The following PTK7 variants were observed in gnomAD, a reference collection of about 807,000 sequenced individuals.
PTK7 encodes the protein protein tyrosine kinase 7 (inactive).
Under a neutral mutation model 116.6 loss-of-function variants are expected in PTK7, and 39 were observed. That is an observed-to-expected ratio of 0.33 (90% confidence interval 0.26 to 0.44). The LOEUF (loss-of-function observed/expected upper bound fraction) is 0.44, where lower values mean the gene tolerates loss of function less well. Among genes scored for constraint, PTK7 ranks in the 20% least tolerant of loss-of-function variants. PTK7 has a pLI of 1.00. For synonymous variants in PTK7, 546 were observed against 563.6 expected, an observed-to-expected ratio of 0.97 and a Z score of 0.44; for missense variants, 1,169 against 1,425.6, an observed-to-expected ratio of 0.82 and a Z score of 2.90.
In PTK7 at chr6:43,132,563, G is replaced by A. The variant is rs376112569; in HGVS notation, c.1104G>A (p.Arg368=). 9.9e-5 allele frequency: 160 copies of A among 1,613,424 alleles called. No individual in the cohort carries two copies. In the Middle Eastern group the frequency reaches 1.2e-3, roughly 12 times the overall value. ...GAGTCCGGCTGCCCACCCATGGCAG[G>A]GTCTACCAGAAGGGCCACGAGCTGG... is the stretch of plus-strand genomic sequence containing the variant. ...HAGVRLPTHG[R]VYQKGHELVL... The change falls in exon 7 of 20, where the codon AGG becomes AGA. Residue 368 remains arginine (R), a synonymous_variant. Coordinates refer to ENST00000230419, the MANE Select transcript of PTK7 (RefSeq NM_002821.5).
intron 1 of PTK7, among the ~76,000 whole-genome samples, chr6:43,122,148 G>GA (rs547395189): frequency 9.3e-4 from 141 of 151,984 alleles, no homozygotes; most frequent in Admixed American, 3.3e-3. Flanking sequence ...ATTTCAAAAA[G>GA]AAAAAAAATG....
chr6:43,129,436 A>G lies in PTK7; in HGVS notation c.367+172A>G. The G allele has an allele frequency of 9.8e-7, 1 of 1,018,126 alleles. No individual in the cohort carries two copies. Among genetic ancestry groups the G allele is most frequent in the South Asian group, 1.7e-5 (1 of 57,374 alleles). The allele number at this position is 1,018,126 out of a possible 1,614,324, so 63.1% of individuals were successfully genotyped here. Reference sequence around the variant, plus strand: ...TGGATAAGAGGAAATTAAAAGTTATATTTTTTCCAAAATTTTTTCCTTCAA... The same window carrying G: ...TGGATAAGAGGAAATTAAAAGTTATGTTTTTTCCAAAATTTTTTCCTTCAA... On this transcript the variant is annotated intron_variant, in intron 2 of 19. Coordinates refer to ENST00000230419, the MANE Select transcript of PTK7 (RefSeq NM_002821.5). This position sits in a 1 kb window ranked among gnomAD's most constrained non-coding sequence, Gnocchi z 4.5.
chr6:43,158,630 T>C (rs1771656898), intron 17 of PTK7, among the ~76,000 whole-genome samples, 187 bp from the exon 18 acceptor site: 1 of 152,208 alleles, frequency 6.6e-6, no homozygotes, highest in Non-Finnish European at 1.5e-5. Flanking sequence ...TTCAGTCTTC[T>C]AACAACCCAG....
At chr6:43,120,541 C>T (rs1188188416) in intron 1 of PTK7, among the ~76,000 whole-genome samples, 2 of 152,224 alleles carry the variant, frequency 1.3e-5, no homozygotes, top group East Asian at 1.9e-4. Flanking sequence ...AGACCCCACA[C>T]ACCTGCTGTT....
intron 7 of PTK7, among the ~76,000 whole-genome samples, chr6:43,134,636 T>C (rs1008756807): frequency 1.3e-4 from 20 of 151,962 alleles, no homozygotes; most frequent in African/African-American, 4.1e-4. Flanking sequence ...AAAAATTAGC[T>C]GGGCATGTTG....
At chr6:43,133,802 A>C (rs1769860234) in intron 7 of PTK7, 1 of 152,224 alleles carries the variant, frequency 6.6e-6, no homozygotes, top group African/African-American at 2.4e-5. Context: ...GTAACTTTGC[A>C]AAAAGATTTG....
chr6:43,139,316 G>T lies in PTK7; in HGVS notation c.1498+45G>T, dbSNP rs1770244645. On this transcript the variant is annotated intron_variant, in intron 9 of 19. Coordinates refer to ENST00000230419, the MANE Select transcript of PTK7 (RefSeq NM_002821.5). The surrounding 1 kb of genome is among the most constrained non-coding windows in gnomAD (Gnocchi z 4.6). Reference sequence around the variant, plus strand: ...GGGAGCACCCTTCCTGGCTAGGCAGGAGAGGAAAGGGGAGGGAGCAGCAGG... The same window carrying T: ...GGGAGCACCCTTCCTGGCTAGGCAGTAGAGGAAAGGGGAGGGAGCAGCAGG... 6.2e-7 allele frequency: 1 copy of T among 1,614,178 alleles called. No homozygotes were observed. Among genetic ancestry groups the T allele is most frequent in the Non-Finnish European group, 8.5e-7 (1 of 1,179,994 alleles).
intron 1 of PTK7, among the ~76,000 whole-genome samples, chr6:43,113,558 T>C (rs1768311704): frequency 6.6e-6 from 1 of 152,184 alleles, no homozygotes; most frequent in African/African-American, 2.4e-5. Flanking sequence ...GCTGGGGGTA[T>C]GTGCCTGCCT....
intron 1 of PTK7, among the ~76,000 whole-genome samples, chr6:43,116,660 A>ACG (rs1276368902): frequency 0.11 from 12,257 of 111,220 alleles, 719 homozygotes; most frequent in African/African-American, 0.17. Flanking sequence ...GTGCGCGCGC[A>ACG]CGCACGCACG....
At chr6:43,081,203 C>T (rs1185519689) in intron 1 of PTK7, among the ~76,000 whole-genome samples, 3 of 152,210 alleles carry the variant, frequency 2.0e-5, no homozygotes, top group African/African-American at 7.2e-5. Flanking sequence ...GCCCCACCGC[C>T]TCTTCTTCCC....
In PTK7 at chr6:43,144,606, G is replaced by C; in HGVS notation, c.2407G>C (p.Gly803Arg). ...RSSLQPITTLGKSEFGEVFLA... is the reference protein window; with the variant it reads ...RSSLQPITTLRKSEFGEVFLA... The stretch of plus-strand genomic sequence containing the variant: ...TAGCCTGCAGCCCATCACCACGCTG[G>C]GTATGTTGCCTTGACTACAGCTGCC... Residue 803 changes from glycine to arginine, a missense_variant and splice_region_variant, in exon 15 of 20, where the codon GGG becomes CGG. Transcript: ENST00000230419. 1 of 1,607,812 alleles carries C rather than the reference G, an allele frequency of 6.2e-7. No individual in the cohort carries two copies. The highest frequency in any genetic ancestry group is 8.5e-7 in the Non-Finnish European group (1 of 1,175,876).
At chr6:43,140,187 G>A (rs572426478) in intron 10 of PTK7, among the ~76,000 whole-genome samples, 42 of 152,306 alleles carry the variant, frequency 2.8e-4, no homozygotes, top group Non-Finnish European at 4.3e-4. Flanking sequence ...GGTGGCTCAC[G>A]CCTGTAATCC....
intron 1 of PTK7, among the ~76,000 whole-genome samples, chr6:43,124,850 G>A (rs549281949): frequency 6.6e-6 from 1 of 152,294 alleles, no homozygotes; most frequent in African/African-American, 2.4e-5. Context: ...TGGGGGCTTG[G>A]AGCAGACCTG....
intron 14 of PTK7, 101 bp from the exon 15 acceptor site, chr6:43,144,350 C>A: frequency 6.8e-7 from 1 of 1,476,700 alleles, no homozygotes; most frequent in Admixed American, 1.7e-5. Context: ...GTGATTGGAC[C>A]CAAGTTGGCA....
intron 1 of PTK7, among the ~76,000 whole-genome samples, chr6:43,092,960 T>C (rs1767037471): frequency 6.6e-6 from 1 of 152,210 alleles, no homozygotes; most frequent in Non-Finnish European, 1.5e-5. Flanking sequence ...CAATAAAACC[T>C]GTTTTCCTTT....
At chr6:43,092,572 T>TC (rs144461192) in intron 1 of PTK7, among the ~76,000 whole-genome samples, 1,723 of 152,030 alleles carry the variant, frequency 0.011, 38 homozygotes, top group African/African-American at 0.039. Context: ...ATAGAACATA[T>TC]CCCCCCCAGG....
At chr6:43,101,591 A>G (rs1767589190) in intron 1 of PTK7, among the ~76,000 whole-genome samples, 1 of 152,060 alleles carries the variant, frequency 6.6e-6, no homozygotes, top group Non-Finnish European at 1.5e-5. Context: ...TAGTTGTATC[A>G]AATAGTTTTG....
chr6:43,107,273 G>T (rs1582104659), intron 1 of PTK7, among the ~76,000 whole-genome samples: 2 of 152,222 alleles, frequency 1.3e-5, no homozygotes, highest in South Asian at 4.2e-4. Context: ...TCTCTTGTGT[G>T]CCCTTTGCAC....
intron 1 of PTK7, among the ~76,000 whole-genome samples, chr6:43,121,858 G>C (rs1768984912): frequency 1.3e-5 from 2 of 152,200 alleles, no homozygotes; most frequent in South Asian, 4.1e-4. Context: ...TTACAAATGT[G>C]GCCAGGCATG....
Sources: gnomAD v4.1 joint callset for allele counts (sites outside exome capture counted in the v4.1 genomes callset) on GRCh38, gnomAD v4.1.1 for gene constraint, Gnocchi (gnomAD v3.1) non-coding constraint, MANE v1.5 for transcripts, NCBI Gene and HGNC (gene_info 2026-07-23, HGNC 2026-07-21) for gene names.